Variants in RCL1 observed in about 807,000 individuals in gnomAD.
The protein encoded by RCL1 is RNA terminal phosphate cyclase like 1, also known as RNA 3'-terminal phosphate cyclase-like protein.
In RCL1, 24 loss-of-function variants were observed where a neutral mutation model predicts 42.4. That is an observed-to-expected ratio of 0.57 (90% confidence interval 0.41 to 0.80). The LOEUF (loss-of-function observed/expected upper bound fraction) is 0.80, where lower values mean the gene tolerates loss of function less well. Ranked by LOEUF, RCL1 falls within the 30% of genes least tolerant of loss-of-function variation. The pLI is 0.00. For missense variants in RCL1, 578 were observed against 467.9 expected, an observed-to-expected ratio of 1.24 and a Z score of -2.17; for synonymous variants, 228 against 177.3, an observed-to-expected ratio of 1.29 and a Z score of -2.27.
chr9:4,847,346 T>A (rs148407565), intron 7 of RCL1, among the ~76,000 whole-genome samples: 12 of 152,352 alleles, frequency 7.9e-5, no homozygotes, highest in African/African-American at 2.6e-4. Flanking sequence ...TCTGTAGAGT[T>A]GTGATGTGAC....
chr9:4,851,188 T>C (rs1785523802), intron 8 of RCL1, among the ~76,000 whole-genome samples: 1 of 152,196 alleles, frequency 6.6e-6, no homozygotes, highest in African/African-American at 2.4e-5. Flanking sequence ...GTGTCTTTTC[T>C]TCCAGAAAAC....
At chr9:4,817,547 C>G (rs930608656) in intron 1 of RCL1, among the ~76,000 whole-genome samples, 1 of 151,388 alleles carries the variant, frequency 6.6e-6, no homozygotes, top group Non-Finnish European at 1.5e-5. Context: ...CATCATGGCT[C>G]ACTTCAGCCT....
At position 4,834,266 on chromosome 9, in the gene RCL1, G is replaced by A. The variant is rs750642259; in HGVS notation, c.584+1G>A. 9 of 1,607,798 alleles carry A rather than the reference G, an allele frequency of 5.6e-6. No homozygotes were observed. Among genetic ancestry groups the A allele is most frequent in the South Asian group, 1.1e-5 (1 of 89,890 alleles). On this transcript the variant is annotated splice_donor_variant, in intron 5 of 8. Transcript: ENST00000381750. LOFTEE classifies it high-confidence loss of function. Reference sequence around the variant, plus strand: ...AAATCAAACGTATTAGAGGAATGGCGTATCCTTTCCATTTATTTGGATTTC... The same window carrying A: ...AAATCAAACGTATTAGAGGAATGGCATATCCTTTCCATTTATTTGGATTTC...
At chr9:4,826,143 G>A (rs188009906) in intron 2 of RCL1, among the ~76,000 whole-genome samples, 31 of 152,174 alleles carry the variant, frequency 2.0e-4, no homozygotes, top group African/African-American at 6.7e-4. Context: ...AGCTATTCTG[G>A]AGGCTGAGAT....
chr9:4,803,386 G>A (rs949259720), intron 1 of RCL1, among the ~76,000 whole-genome samples: 2 of 152,172 alleles, frequency 1.3e-5, no homozygotes, highest in African/African-American at 4.8e-5. Flanking sequence ...AAGGCAAAGA[G>A]AATACAAGGT....
chr9:4,840,833 G>A (rs1817292667), intron 5 of RCL1, among the ~76,000 whole-genome samples: 1 of 152,158 alleles, frequency 6.6e-6, no homozygotes, highest in Admixed American at 6.5e-5. Context: ...ATTGGCTACA[G>A]CAGTGGGAAT....
chr9:4,807,582 T>C (rs1402670487), intron 1 of RCL1, among the ~76,000 whole-genome samples: 8 of 152,204 alleles, frequency 5.3e-5, no homozygotes, highest in Admixed American at 5.2e-4. Flanking sequence ...TGCAATGGCA[T>C]GATCTCAGCT....
At chr9:4,816,907 C>T (rs973516727) in intron 1 of RCL1, among the ~76,000 whole-genome samples, 3 of 152,142 alleles carry the variant, frequency 2.0e-5, no homozygotes, top group Admixed American at 2.0e-4. Flanking sequence ...AGCTCTGCCT[C>T]CCAGGTTCAC....
intron 1 of RCL1, among the ~76,000 whole-genome samples, chr9:4,821,175 G>A (rs1816585958): frequency 6.6e-6 from 1 of 152,154 alleles, no homozygotes; most frequent in Admixed American, 6.5e-5. Flanking sequence ...TGTAATCCCA[G>A]CGTTTGTGAG....
At chr9:4,817,820 T>C (rs1816438835) in intron 1 of RCL1, among the ~76,000 whole-genome samples, 1 of 151,752 alleles carries the variant, frequency 6.6e-6, no homozygotes, top group Non-Finnish European at 1.5e-5. Context: ...TCTTTTTCTC[T>C]TCTTTTGAGA....
intron 8 of RCL1, among the ~76,000 whole-genome samples, chr9:4,854,539 G>A (rs1475871012): frequency 6.6e-6 from 1 of 152,150 alleles, no homozygotes; most frequent in African/African-American, 2.4e-5. Context: ...GTTGTGGTTT[G>A]TGCCTGTGGG....
At chr9:4,827,063 TTTTTG>T (rs1439871117) in intron 3 of RCL1, 30 bp downstream of exon 3, 1 of 1,613,968 alleles carries the variant, frequency 6.2e-7, no homozygotes, top group South Asian at 1.1e-5. Flanking sequence ...CGTGGTGTGG[TTTTTG>T]TTTTGTCTCT....
At chr9:4,848,759 A>T (rs2129701924) in intron 7 of RCL1, among the ~76,000 whole-genome samples, 1 of 152,324 alleles carries the variant, frequency 6.6e-6, no homozygotes, top group African/African-American at 2.4e-5. Flanking sequence ...CTCAGGAGAA[A>T]GTGTTTGAAG....
chr9:4,860,206 G>C lies in RCL1; in HGVS notation c.1053G>C (p.Lys351Asn), dbSNP rs1587741956. The C allele has an allele frequency of 1.2e-6, 2 of 1,613,104 alleles. No homozygotes were observed. Among genetic ancestry groups the C allele is most frequent in the East Asian group, 4.5e-5 (2 of 44,804 alleles). ...CCAAGCCATGTGGTGAAGAACTCAA[G>C]GGTGGGGATAAAGTGCTGATGACCT... The part of the protein sequence containing the change: ...IETKPCGEEL[K>N]GGDKVLMTCV... Residue 351 changes from lysine to asparagine, a missense_variant, in exon 9 of 9, where the codon AAG (lysine) becomes AAC (asparagine). Lys to Asn is a moderately conservative substitution (Grantham distance 94). Coordinates refer to ENST00000381750, the MANE Select transcript of RCL1 (RefSeq NM_005772.5).
At chr9:4,804,397 T>C (rs964541271) in intron 1 of RCL1, 1 of 152,384 alleles carries the variant, frequency 6.6e-6, no homozygotes, top group Non-Finnish European at 1.5e-5. Context: ...CCGGCACGGC[T>C]GCCTTTGCTC....
intron 1 of RCL1, among the ~76,000 whole-genome samples, chr9:4,813,721 A>G (rs1816262705): frequency 6.6e-6 from 1 of 152,236 alleles, no homozygotes; most frequent in Admixed American, 6.5e-5. Context: ...TCATGCTGCT[A>G]CAAAGACACA....
intron 5 of RCL1, among the ~76,000 whole-genome samples, chr9:4,838,484 G>A (rs1297025711): frequency 1.3e-5 from 2 of 152,254 alleles, no homozygotes; most frequent in Non-Finnish European, 2.9e-5. Context: ...AAAGCTGGCA[G>A]TAAAGGGGGA....
intron 1 of RCL1, 39 bp from the exon 2 acceptor site, chr9:4,823,509 C>G: frequency 6.6e-7 from 1 of 1,512,578 alleles, no homozygotes; most frequent in Non-Finnish European, 9.2e-7. Flanking sequence ...TGAGGACAGT[C>G]TGTCTTCTCT....
chr9:4,841,113 C>A, intron 5 of RCL1, 119 bp from the exon 6 acceptor site: 2 of 1,069,054 alleles, frequency 1.9e-6, no homozygotes, highest in Non-Finnish European at 2.8e-6. Flanking sequence ...AGTTGGAAAA[C>A]AATAGATTTG....
Sources: gnomAD v4.1 joint callset for allele counts (sites outside exome capture counted in the v4.1 genomes callset) on GRCh38, gnomAD v4.1.1 for gene constraint, MANE v1.5 for transcripts, NCBI Gene and HGNC (gene_info 2026-07-23, HGNC 2026-07-21) for gene names.